The following IGF2R variants were observed in gnomAD, a reference collection of about 807,000 sequenced individuals.
IGF2R encodes insulin like growth factor 2 receptor, also known as cation-independent mannose-6-phosphate receptor.
Under a neutral mutation model 270.6 loss-of-function variants are expected in IGF2R, and 91 were observed. The observed-to-expected ratio is 0.34, with a 90% confidence interval of 0.28 to 0.40. The LOEUF is 0.40. IGF2R is among the 10% of genes least tolerant of loss of function. The pLI is 1.00. For synonymous variants in IGF2R, 1,316 were observed against 1,258.9 expected (o/e 1.05, Z -0.96); for missense variants, 2,805 against 3,188.3 (o/e 0.88, Z 2.90).
chr6:160,017,951 C>G (rs1583262395), intron 4 of IGF2R, among the ~76,000 whole-genome samples: 1 of 151,958 alleles, frequency 6.6e-6, no homozygotes, highest in East Asian at 1.9e-4. Flanking sequence ...CAAACAAGAC[C>G]ACAAAGCAAC....
chr6:160,055,863 G>C (rs974127198), intron 19 of IGF2R, among the ~76,000 whole-genome samples: 1 of 152,164 alleles, frequency 6.6e-6, no homozygotes, highest in Non-Finnish European at 1.5e-5. Context: ...ATGGCTCTTT[G>C]GGGGAGCTTT....
Position 160,012,775 on chromosome 6 carries a change from T to TTG in IGF2R, c.513+1991_513+1992insGT, listed in dbSNP as rs1554238624. Among the ~76,000 whole-genome samples the TTG allele has an allele frequency of 2.8e-3, 363 of 127,962 alleles. 10 individuals are homozygous for TTG. The highest frequency in any genetic ancestry group is 4.8e-3 in the Non-Finnish European group (291 of 60,462). The allele number at this position is 127,962 out of a possible 152,430, so 83.9% of individuals were successfully genotyped here. On this transcript the variant is annotated intron_variant, in intron 4 of 47. Transcript: ENST00000356956. The stretch of plus-strand genomic sequence containing the variant: ...TATATATATATATATTTTTTTTTTT[T>TTG]TTTGTTTGTTTGTTTGTTTATTTGT...
Position 160,068,383 on chromosome 6 carries a change from C to G in IGF2R, c.4250C>G (p.Thr1417Ser), listed in dbSNP as rs1386053094. 1 of 1,613,846 alleles carries G rather than the reference C, an allele frequency of 6.2e-7. No homozygotes were observed. The highest frequency in any genetic ancestry group is 8.5e-7 in the Non-Finnish European group (1 of 1,179,996). The change falls in exon 30 of 48, where the codon ACT (threonine) becomes AGT (serine). Residue 1417 changes from threonine (T) to serine (S), a missense_variant and splice_region_variant. Thr to Ser is a moderately conservative substitution (Grantham distance 58). Coordinates refer to ENST00000356956, the MANE Select transcript of IGF2R (RefSeq NM_000876.4). ...AAGTCTCTGGCCCCGCAGGCTGGCA[C>G]TGGTGAGAGAGGGCCTCCTCGTGGG... ...VCKSLAPQAG[T>S]EPCPPEAAAC...
intron 31 of IGF2R, among the ~76,000 whole-genome samples, chr6:160,071,684 G>A (rs1297365326): frequency 6.6e-6 from 1 of 152,174 alleles, no homozygotes; most frequent in African/African-American, 2.4e-5. Flanking sequence ...GTGTGTTGCT[G>A]CCTGTGGGTG....
chr6:159,980,067 G>GTTCC (rs1389710816), intron 1 of IGF2R, among the ~76,000 whole-genome samples: 6 of 152,022 alleles, frequency 3.9e-5, no homozygotes, highest in Non-Finnish European at 7.4e-5. Flanking sequence ...TGTAGTCCCA[G>GTTCC]CTACTCGGGA....
chr6:160,072,065 A>G, intron 32 of IGF2R, 29 bp downstream of exon 32: 4 of 1,613,418 alleles, frequency 2.5e-6, no homozygotes, highest in Non-Finnish European at 3.4e-6. Context: ...CGTTAACCCC[A>G]GCGCAGGTGA....
At chr6:159,980,189 AAGAAAG>A (rs1293387493) in intron 1 of IGF2R, among the ~76,000 whole-genome samples, 3 of 42,998 alleles carry the variant, frequency 7.0e-5, no homozygotes, top group Admixed American at 2.4e-4. Context: ...TCAAAAAAGA[AAGAAAG>A]AAAGAAAGAA....
rs1778273176 is a variant in IGF2R at position 160,054,708 on chromosome 6, T to C, written c.2695-1716T>C. Among the ~76,000 whole-genome samples the C allele has an allele frequency of 2.0e-5, 3 of 152,210 alleles. No individual in the cohort carries two copies. The South Asian group carries it at 6.2e-4, about 31-fold the overall frequency. ...AGAGTGGGGTGTGTTCAGTCAGTTA[T>C]GGGGCTTAGGATTTTATTTTCATTT... On this transcript the variant is annotated intron_variant, in intron 19 of 47. Transcript: ENST00000356956.
At chr6:160,063,658 T>C in intron 27 of IGF2R, 28 bp downstream of exon 27, 1 of 1,539,336 alleles carries the variant, frequency 6.5e-7, no homozygotes, top group Non-Finnish European at 9.0e-7. Context: ...TTTCCTTTTG[T>C]TGCAAAGGAA....
At chr6:160,002,969 C>T (rs889746547) in intron 2 of IGF2R, among the ~76,000 whole-genome samples, 1 of 152,066 alleles carries the variant, frequency 6.6e-6, no homozygotes. Flanking sequence ...TGTTACCAGC[C>T]CATTTAACTT....
intron 35 of IGF2R, 143 bp downstream of exon 35, chr6:160,074,118 C>T (rs896723979): frequency 1.9e-5 from 12 of 632,932 alleles, no homozygotes; most frequent in African/African-American, 1.5e-4. Flanking sequence ...TGTTCTGGGT[C>T]CGCTACTGGA....
rs534017351 is a variant in IGF2R, at chr6:160,069,944, A to G, written c.4329A>G (p.Gly1443=). The part of the protein sequence containing the change: ...KPVNLGRVRD[G]PQWRDGIIVL... ...TGAACCTCGGCAGGGTAAGGGACGGACCTCAGTGGAGAGATGGCATAATTG... is the reference window on the plus strand; with the variant it reads ...TGAACCTCGGCAGGGTAAGGGACGGGCCTCAGTGGAGAGATGGCATAATTG... Residue 1443 remains glycine (G), a synonymous_variant, in exon 31 of 48, where the codon GGA becomes GGG. Coordinates refer to ENST00000356956, the MANE Select transcript of IGF2R (RefSeq NM_000876.4). 6.2e-7 allele frequency: 1 copy of G among 1,614,186 alleles called. No individual in the cohort carries two copies.
intron 44 of IGF2R, chr6:160,094,203 A>G (rs540528792): frequency 2.9e-4 from 103 of 349,912 alleles, no homozygotes; most frequent in African/African-American, 2.1e-3. Context: ...CACCCAGTCT[A>G]TTTCTTCTCA....
At position 160,084,623 on chromosome 6, in the gene IGF2R, G is replaced by A. The variant is rs1274930749; in HGVS notation, c.6069-372G>A. Among the ~76,000 whole-genome samples, 4 of 152,142 alleles carry A rather than the reference G, an allele frequency of 2.6e-5. No homozygotes were observed. The highest frequency in any genetic ancestry group is 6.5e-5 in the Admixed American group (1 of 15,286). ...CCAGGTGCTCCTGCAAGACATCACC[G>A]AGGAGCAGGGGCATGGACTCACAGG... On this transcript the variant is annotated intron_variant, in intron 40 of 47. Coordinates refer to ENST00000356956, the MANE Select transcript of IGF2R (RefSeq NM_000876.4). The surrounding 1 kb of genome is among the most constrained non-coding windows in gnomAD (Gnocchi z 4.6).
intron 5 of IGF2R, among the ~76,000 whole-genome samples, chr6:160,025,346 C>T (rs1174208914): frequency 6.6e-6 from 1 of 152,200 alleles, no homozygotes; most frequent in Non-Finnish European, 1.5e-5. Flanking sequence ...GTCCTGTAGG[C>T]CAGGACTGTC....
At position 160,034,399 on chromosome 6, in the gene IGF2R, G is replaced by C. The variant is rs200298867; in HGVS notation, c.1212-20G>C. ...TTGGTTCTCCCAAACACATTTGTCT[G>C]TGTATTCACAAAAATCTAGATATTC... On this transcript the variant is annotated intron_variant, in intron 9 of 47. Coordinates refer to ENST00000356956, the MANE Select transcript of IGF2R (RefSeq NM_000876.4). 16 of 1,484,908 alleles carry C rather than the reference G, an allele frequency of 1.1e-5. No individual in the cohort carries two copies. In the East Asian group the frequency reaches 3.2e-4, roughly 30 times the overall value. The allele number at this position is 1,484,908 out of a possible 1,614,324, so 92.0% of individuals were successfully genotyped here. A position where few individuals can be genotyped will look rare whatever the true frequency, so the allele number is the denominator to read the frequency against.
intron 33 of IGF2R, 64 bp from the exon 34 acceptor site, chr6:160,073,149 C>A: frequency 6.3e-7 from 1 of 1,584,020 alleles, no homozygotes; most frequent in South Asian, 1.2e-5. Context: ...TGCGAAAGTT[C>A]TCATCAGAAA....
At chr6:160,018,975 A>G (rs1777369511) in intron 4 of IGF2R, among the ~76,000 whole-genome samples, 1 of 152,184 alleles carries the variant, frequency 6.6e-6, no homozygotes, top group African/African-American at 2.4e-5. Context: ...GCAGAACTAA[A>G]TGAAATGGAG....
chr6:160,039,532 A>C (rs900629664), intron 10 of IGF2R, among the ~76,000 whole-genome samples: 1 of 152,222 alleles, frequency 6.6e-6, no homozygotes, highest in Non-Finnish European at 1.5e-5. Flanking sequence ...TGGTATTATA[A>C]TTATAGTGAT....
Sources: allele counts gnomAD v4.1 joint callset (sites outside exome capture counted in the v4.1 genomes callset), GRCh38; gene constraint gnomAD v4.1.1; non-coding constraint Gnocchi (gnomAD v3.1); transcripts MANE v1.5; gene names NCBI Gene and HGNC (gene_info 2026-07-23, HGNC 2026-07-21).